PAPSS2: variants seen among roughly 807,000 people sequenced by gnomAD.
PAPSS2 encodes the protein 3'-phosphoadenosine 5'-phosphosulfate synthase 2, also known as bifunctional 3'-phosphoadenosine 5'-phosphosulfate synthase 2.
In PAPSS2, 61 loss-of-function variants were observed where a neutral mutation model predicts 66.5. The observed-to-expected ratio is 0.92, with a 90% CI of 0.75 to 1.14. PAPSS2 has a LOEUF of 1.14. Among genes scored for constraint, PAPSS2 ranks in the 50% most tolerant of loss-of-function variants. The pLI is 0.00. For missense variants in PAPSS2, 708 were observed against 789.6 expected (o/e 0.90, Z 1.24); for synonymous variants, 289 against 287.5 (o/e 1.01, Z -0.05).
intron 1 of PAPSS2, among the ~76,000 whole-genome samples, chr10:87,679,263 A>G (rs906498523): frequency 6.6e-6 from 1 of 152,210 alleles, no homozygotes; most frequent in African/African-American, 2.4e-5. Context: ...AATGATACAT[A>G]CTAGAGGCCG....
At chr10:87,674,950 A>G (rs1852927280) in intron 1 of PAPSS2, among the ~76,000 whole-genome samples, 1 of 152,234 alleles carries the variant, frequency 6.6e-6, no homozygotes, top group South Asian at 2.1e-4. Flanking sequence ...GCCCACATGC[A>G]TGTATGCACA....
At chr10:87,723,567 A>G (rs1297543629) in intron 8 of PAPSS2, among the ~76,000 whole-genome samples, 2 of 152,164 alleles carry the variant, frequency 1.3e-5, no homozygotes, top group African/African-American at 4.8e-5. Flanking sequence ...TATTTGAATG[A>G]CACACCATTA....
At chr10:87,714,313 A>G (rs1355047480) in intron 4 of PAPSS2, 131 bp downstream of exon 4, 9 of 928,260 alleles carry the variant, frequency 9.7e-6, no homozygotes, top group African/African-American at 1.6e-5. Flanking sequence ...ACAACTTTTT[A>G]TCAGATCATG....
chr10:87,736,558 G>T (rs1181452451), intron 9 of PAPSS2, among the ~76,000 whole-genome samples: 1 of 152,042 alleles, frequency 6.6e-6, no homozygotes, highest in Non-Finnish European at 1.5e-5. Context: ...GAGCCACCAT[G>T]CCCGACCATG....
At chr10:87,717,767 G>A (rs1409473466) in intron 7 of PAPSS2, among the ~76,000 whole-genome samples, 1 of 152,006 alleles carries the variant, frequency 6.6e-6, no homozygotes, top group East Asian at 1.9e-4. Flanking sequence ...GTCTCACTAT[G>A]TTGCCCAGGG....
intron 1 of PAPSS2, among the ~76,000 whole-genome samples, chr10:87,671,690 T>G (rs1852879902): frequency 6.6e-6 from 1 of 152,190 alleles, no homozygotes; most frequent in African/African-American, 2.4e-5. Flanking sequence ...TTTCCATTGC[T>G]CAGCACAGAA....
At chr10:87,669,446 C>G (rs1483459176) in intron 1 of PAPSS2, among the ~76,000 whole-genome samples, 1 of 152,182 alleles carries the variant, frequency 6.6e-6, no homozygotes, top group Non-Finnish European at 1.5e-5. Flanking sequence ...GTAATTATGG[C>G]TCTTGGGCCA....
At chr10:87,701,714 C>T (rs1033655541) in intron 1 of PAPSS2, among the ~76,000 whole-genome samples, 1 of 152,034 alleles carries the variant, frequency 6.6e-6, no homozygotes, top group Non-Finnish European at 1.5e-5. Flanking sequence ...CATGAGTCAC[C>T]GCACCCAGCC....
chr10:87,731,010 A>G (rs1190695041), intron 9 of PAPSS2, among the ~76,000 whole-genome samples: 1 of 152,258 alleles, frequency 6.6e-6, no homozygotes, highest in Non-Finnish European at 1.5e-5. Flanking sequence ...ACAGATTTTC[A>G]GTGTAGAAGA....
At chr10:87,711,699 A>G (rs1853463789) in intron 2 of PAPSS2, among the ~76,000 whole-genome samples, 1 of 152,214 alleles carries the variant, frequency 6.6e-6, no homozygotes, top group Non-Finnish European at 1.5e-5. Flanking sequence ...ACTTTAAAAT[A>G]TAACTAAAAG....
intron 8 of PAPSS2, among the ~76,000 whole-genome samples, chr10:87,725,630 T>C (rs1192476899): frequency 6.6e-6 from 1 of 152,148 alleles, no homozygotes; most frequent in Admixed American, 6.5e-5. Flanking sequence ...GAAAAGGTGA[T>C]TTTATGCTGA....
intron 8 of PAPSS2, among the ~76,000 whole-genome samples, chr10:87,723,061 C>T (rs1853615492): frequency 6.6e-6 from 1 of 152,188 alleles, no homozygotes; most frequent in Non-Finnish European, 1.5e-5. Context: ...AGTCAGAATA[C>T]TTGATGGAAG....
At chr10:87,685,197 T>C (rs1853072647) in intron 1 of PAPSS2, among the ~76,000 whole-genome samples, 1 of 152,040 alleles carries the variant, frequency 6.6e-6, no homozygotes, top group African/African-American at 2.4e-5. Context: ...GAGAGGAGAG[T>C]TGAGCTTGTC....
chr10:87,701,390 T>TTC (rs1853312529), intron 1 of PAPSS2, among the ~76,000 whole-genome samples: 1 of 91,206 alleles, frequency 1.1e-5, no homozygotes, highest in Non-Finnish European at 2.1e-5. Flanking sequence ...CTTTCTTTCT[T>TTC]TCTTTCTCTT....
chr10:87,712,249 C>T (rs1210592886), intron 2 of PAPSS2, among the ~76,000 whole-genome samples: 1 of 152,102 alleles, frequency 6.6e-6, no homozygotes, highest in Non-Finnish European at 1.5e-5. Flanking sequence ...ATTTTGGAAA[C>T]ATCTAGAAGC....
At chr10:87,676,105 A>G (rs1208378703) in intron 1 of PAPSS2, among the ~76,000 whole-genome samples, 3 of 150,898 alleles carry the variant, frequency 2.0e-5, no homozygotes, top group South Asian at 2.1e-4. Flanking sequence ...TTAAAAGCTT[A>G]CTATCCTTGT....
At chr10:87,706,140 G>GTGTA (rs1304990011) in intron 1 of PAPSS2, among the ~76,000 whole-genome samples, 8 of 113,228 alleles carry the variant, frequency 7.1e-5, no homozygotes, top group African/African-American at 2.6e-4. Context: ...GTGTGTGTGT[G>GTGTA]TATATATATA....
At chr10:87,699,453 T>C (rs560969544) in intron 1 of PAPSS2, among the ~76,000 whole-genome samples, 1 of 152,236 alleles carries the variant, frequency 6.6e-6, no homozygotes, top group African/African-American at 2.4e-5. Flanking sequence ...TGGCTAATAG[T>C]ATTTTCTTAT....
chr10:87,724,114 C>T (rs2131718107), intron 8 of PAPSS2, among the ~76,000 whole-genome samples: 1 of 152,180 alleles, frequency 6.6e-6, no homozygotes, highest in South Asian at 2.1e-4. Context: ...GTAGGAGGAA[C>T]ACCGTTTTGT....
Sources: gnomAD v4.1 joint callset for allele counts (sites outside exome capture counted in the v4.1 genomes callset) on GRCh38, gnomAD v4.1.1 for gene constraint, MANE v1.5 for transcripts, NCBI Gene and HGNC (gene_info 2026-07-23, HGNC 2026-07-21) for gene names.